The following DDX60L variants were observed in gnomAD, a reference collection of about 807,000 sequenced individuals.
DDX60L encodes the protein probable ATP-dependent RNA helicase DDX60-like.
A neutral mutation model predicts 211.6 loss-of-function variants in DDX60L; 191 were observed. The observed-to-expected ratio is 0.90, with a 90% confidence interval of 0.80 to 1.02. The LOEUF is 1.02. Ranked by LOEUF, DDX60L falls within the 50% of genes least tolerant of loss-of-function variation. DDX60L has a pLI of 0.00. For missense variants in DDX60L, 2,007 were observed against 1,984.1 expected, an observed-to-expected ratio of 1.01 and a Z score of -0.22; for synonymous variants, 706 against 694.1, an observed-to-expected ratio of 1.02 and a Z score of -0.27.
intron 16 of DDX60L, 80 bp downstream of exon 16, chr4:168,422,444 A>C: frequency 7.1e-7 from 1 of 1,403,726 alleles, no homozygotes. Context: ...AGTTTATGCA[A>C]AATTTGACAT....
At chr4:168,445,671 C>T (rs1579701630) in intron 9 of DDX60L, among the ~76,000 whole-genome samples, 2 of 151,908 alleles carry the variant, frequency 1.3e-5, no homozygotes, top group South Asian at 4.2e-4. Flanking sequence ...CATCCAAAAG[C>T]TTATCCACCA....
At chr4:168,454,879 T>C (rs1204557382) in intron 7 of DDX60L, among the ~76,000 whole-genome samples, 1 of 150,618 alleles carries the variant, frequency 6.6e-6, no homozygotes, top group East Asian at 2.0e-4. Flanking sequence ...ATTTGAGATG[T>C]CTATTACAAA....
intron 29 of DDX60L, among the ~76,000 whole-genome samples, chr4:168,389,274 C>G (rs1252175274): frequency 6.6e-6 from 1 of 151,914 alleles, no homozygotes; most frequent in Non-Finnish European, 1.5e-5. Flanking sequence ...ATAATAAATG[C>G]CATTTGAGGG....
Position 168,423,742 on chromosome 4 carries a change from G to T in DDX60L, c.1963C>A (p.Gln655Lys). 2 of 1,599,276 alleles carry T rather than the reference G, an allele frequency of 1.3e-6. No individual in the cohort carries two copies. Among genetic ancestry groups the T allele is most frequent in the South Asian group, 2.3e-5 (2 of 87,288 alleles). ...KISKDLSIAVQMMKRIHSLLE... is the reference protein window; with the variant it reads ...KISKDLSIAVKMMKRIHSLLE... ...AGTGAATGAATCCTTTTCATCATTT[G>T]AACAGCTATACTTAAATCTTTCGAA... is the stretch of plus-strand genomic sequence containing the variant. The change falls in exon 15 of 38, where the codon CAA (glutamine) becomes AAA (lysine). Residue 655 changes from glutamine to lysine, a missense_variant. Physicochemically the swap from Gln to Lys is moderately conservative, Grantham distance 53. Coordinates refer to ENST00000682922, the MANE Select transcript of DDX60L (RefSeq NM_001012967.3).
rs569372344 is a variant in DDX60L at position 168,442,145 on chromosome 4, C to T, written c.1139-653G>A. Among the ~76,000 whole-genome samples, 185 of 152,106 alleles carry T rather than the reference C, an allele frequency of 1.2e-3. 1 individual carries two copies. The highest frequency in any genetic ancestry group is 4.1e-3 in the African/African-American group (171 of 41,452). On this transcript the variant is annotated intron_variant, in intron 9 of 37. Coordinates refer to ENST00000682922, the MANE Select transcript of DDX60L (RefSeq NM_001012967.3). ...CAGTGGGCACAGGTCAGTGGGTGCG[C>T]GCACCGTGTGCGAGCCGAAGCAGGG...
chr4:168,358,176 T>C lies in DDX60L; in HGVS notation c.5092A>G (p.Ile1698Val). 6.2e-7 allele frequency: 1 copy of C among 1,608,648 alleles called. No homozygotes were observed. Among genetic ancestry groups the C allele is most frequent in the Non-Finnish European group, 8.5e-7 (1 of 1,177,654 alleles). ...TFYEKLQEMQ[I>V]QMSQNHLE Reference sequence around the variant, plus strand: ...TCTAAATGATTTTGACTCATTTGAATTTGCATTTCTTGAAGTTTCTCATAA... The same window carrying C: ...TCTAAATGATTTTGACTCATTTGAACTTGCATTTCTTGAAGTTTCTCATAA... The change falls in exon 38 of 38, where the codon ATT becomes GTT. Residue 1698 changes from isoleucine to valine, a missense_variant. By Grantham distance (29) the Ile-to-Val change is conservative. Coordinates refer to ENST00000682922, the MANE Select transcript of DDX60L (RefSeq NM_001012967.3).
intron 25 of DDX60L, among the ~76,000 whole-genome samples, chr4:168,401,333 C>T (rs892612437): frequency 5.3e-5 from 8 of 152,212 alleles, no homozygotes; most frequent in African/African-American, 1.9e-4. Flanking sequence ...ACTATTTCAA[C>T]CAATTCCCAA....
intron 19 of DDX60L, 53 bp downstream of exon 19, chr4:168,419,249 T>C (rs1451344154): frequency 4.8e-6 from 6 of 1,261,248 alleles, no homozygotes. Flanking sequence ...AATTACAAAT[T>C]ATAGGGTGTA....
chr4:168,479,789 G>A (rs544203732), intron 1 of DDX60L, among the ~76,000 whole-genome samples: 187 of 149,220 alleles, frequency 1.3e-3, no homozygotes, highest in African/African-American at 4.6e-3. Context: ...CTAACATGGT[G>A]AAACCCCGTC....
At chr4:168,468,800 A>G (rs1008248367) in intron 4 of DDX60L, 2 of 152,216 alleles carry the variant, frequency 1.3e-5, no homozygotes, top group Non-Finnish European at 2.9e-5. Flanking sequence ...AACAAACAAA[A>G]ATCAATTCTA....
intron 15 of DDX60L, 29 bp from the exon 16 acceptor site, chr4:168,422,699 A>T: frequency 6.8e-7 from 1 of 1,472,534 alleles, no homozygotes; most frequent in African/African-American, 1.4e-5. Flanking sequence ...ATTTGAAATC[A>T]ACTTAAACTT....
At chr4:168,442,574 G>A (rs1317012799) in intron 9 of DDX60L, among the ~76,000 whole-genome samples, 1 of 152,138 alleles carries the variant, frequency 6.6e-6, no homozygotes, top group East Asian at 1.9e-4. Context: ...TCTGGGGGCA[G>A]GGCACAGACA....
At chr4:168,440,391 A>G (rs1354187227) in intron 10 of DDX60L, among the ~76,000 whole-genome samples, 2 of 152,258 alleles carry the variant, frequency 1.3e-5, no homozygotes, top group Non-Finnish European at 2.9e-5. Context: ...ATAAATGCAT[A>G]TATCTACCTA....
chr4:168,474,785 G>T (rs1242865429), intron 1 of DDX60L, among the ~76,000 whole-genome samples: 2 of 152,164 alleles, frequency 1.3e-5, no homozygotes, highest in African/African-American at 4.8e-5. Context: ...GGTAATCCTG[G>T]AGGAAATAAC....
intron 8 of DDX60L, among the ~76,000 whole-genome samples, chr4:168,450,861 C>G (rs1338101487): frequency 6.6e-6 from 1 of 152,122 alleles, no homozygotes; most frequent in Non-Finnish European, 1.5e-5. Context: ...GAGCTATGGT[C>G]ATGCCACAGC....
chr4:168,416,801 G>C lies in DDX60L; in HGVS notation c.2611-4C>G. On this transcript the variant is annotated splice_region_variant and splice_polypyrimidine_tract_variant and intron_variant, in intron 19 of 37. Transcript: ENST00000682922. ...CTTCTCTGCCAAGATAATGGACCTA[G>C]TAAAGAAAAAAAAATCAGTTGAAAA... The C allele has an allele frequency of 1.3e-6, 2 of 1,488,530 alleles. No individual in the cohort carries two copies. Among genetic ancestry groups the C allele is most frequent in the South Asian group, 1.3e-5 (1 of 78,838 alleles). 92.2% of individuals were successfully genotyped at this position (1,488,530 alleles called of 1,614,324 possible). A position where few individuals can be genotyped will look rare whatever the true frequency, so the allele number is the denominator to read the frequency against.
rs780657222 is a variant in DDX60L, at chr4:168,379,833, A to G, written c.4117-3T>C. ...GAATGCTTTAGCACTGACAACACCTATAAAAGAAGAGTACTTTAATTTATC... is the reference window on the plus strand; with the variant it reads ...GAATGCTTTAGCACTGACAACACCTGTAAAAGAAGAGTACTTTAATTTATC... On this transcript the variant is annotated splice_polypyrimidine_tract_variant and splice_region_variant and intron_variant, in intron 30 of 37. Coordinates refer to ENST00000682922, the MANE Select transcript of DDX60L (RefSeq NM_001012967.3). The G allele has an allele frequency of 6.3e-7, 1 of 1,592,892 alleles. No individual in the cohort carries two copies. The highest frequency in any genetic ancestry group is 1.7e-5 in the Admixed American group (1 of 57,284).
rs774754500 is a variant in DDX60L, at chr4:168,453,656, G to T, written c.838-374C>A. On this transcript the variant is annotated intron_variant, in intron 7 of 37. Coordinates refer to ENST00000682922, the MANE Select transcript of DDX60L (RefSeq NM_001012967.3). ...TGGCAGGTTCAGGGTGAGAAATCCC[G>T]GATGGCAATCTATCTGTAAAACGTA... Among the ~76,000 whole-genome samples, 42 of 152,216 alleles carry T rather than the reference G, an allele frequency of 2.8e-4. 1 individual carries two copies. The highest frequency in any genetic ancestry group is 6.5e-4 in the Admixed American group (10 of 15,288).
rs902414027 is a variant in DDX60L at position 168,472,871 on chromosome 4, A to G, written c.-110-62T>C. The G allele has an allele frequency of 4.0e-5, 26 of 649,012 alleles. No individual in the cohort carries two copies. The Admixed American group carries it at 5.9e-4, about 15-fold the overall frequency. 40.2% of individuals were successfully genotyped at this position (649,012 alleles called of 1,614,324 possible). On this transcript the variant is annotated intron_variant, in intron 1 of 37. Transcript: ENST00000682922. ...TAAAACAAAGAAATGGACCCAAAAA[A>G]TATGGTTACATTTTCCACAGAGCAA...
Sources: allele counts gnomAD v4.1 joint callset (sites outside exome capture counted in the v4.1 genomes callset), GRCh38; gene constraint gnomAD v4.1.1; transcripts MANE v1.5; gene names NCBI Gene and HGNC (gene_info 2026-07-23, HGNC 2026-07-21).